Variants in DEPDC1B observed in about 807,000 individuals in gnomAD.
The protein encoded by DEPDC1B is DEP domain containing 1B, also known as DEP domain-containing protein 1B.
DEPDC1B carries 51 observed loss-of-function variants against 66.5 expected under a neutral mutation model. The ratio of observed to expected loss-of-function variants is 0.77; its 90% CI spans 0.61 to 0.97. The LOEUF (loss-of-function observed/expected upper bound fraction) is 0.97. Among genes scored for constraint, DEPDC1B ranks in the 50% least tolerant of loss-of-function variants. The pLI is 0.00. For synonymous variants in DEPDC1B, 226 were observed against 223.6 expected (o/e 1.01, Z -0.10); for missense variants, 552 against 637.1 (o/e 0.87, Z 1.44).
At chr5:60,690,590 T>G (rs1408765786) in intron 1 of DEPDC1B, among the ~76,000 whole-genome samples, 1 of 152,232 alleles carries the variant, frequency 6.6e-6, no homozygotes, top group Non-Finnish European at 1.5e-5. Flanking sequence ...AAATTCATAG[T>G]CATATTCTCA....
At chr5:60,664,856 A>C (rs1422697418) in intron 2 of DEPDC1B, among the ~76,000 whole-genome samples, 2 of 152,224 alleles carry the variant, frequency 1.3e-5, no homozygotes, top group Admixed American at 6.5e-5. Context: ...TGCCCGTGCA[A>C]CAATATGGAG....
chr5:60,634,617 A>G (rs1446360918), intron 7 of DEPDC1B, among the ~76,000 whole-genome samples: 1 of 151,824 alleles, frequency 6.6e-6, no homozygotes, highest in Non-Finnish European at 1.5e-5. Context: ...GCTTGCAGTG[A>G]GCCGAGATCA....
rs765610588 is a variant in DEPDC1B, at chr5:60,700,029, C to G, written c.48+17G>C. The G allele has an allele frequency of 6.4e-6, 10 of 1,551,754 alleles. No individual in the cohort carries two copies. The highest frequency in any genetic ancestry group is 8.7e-6 in the Non-Finnish European group (10 of 1,149,076). On this transcript the variant is annotated intron_variant, in intron 1 of 10. Coordinates refer to ENST00000265036, the MANE Select transcript of DEPDC1B (RefSeq NM_018369.3). ...CGGCACCGGGTGCTCCGCCCAGGCC[C>G]CAGCACACTCACTCACCAGCCTGGT...
intron 7 of DEPDC1B, among the ~76,000 whole-genome samples, chr5:60,630,104 T>C (rs537710272): frequency 1.3e-5 from 2 of 152,350 alleles, no homozygotes; most frequent in Non-Finnish European, 2.9e-5. Context: ...TTAATTTATT[T>C]TGAGTTGATT....
intron 1 of DEPDC1B, among the ~76,000 whole-genome samples, chr5:60,688,561 C>T (rs1754475945): frequency 6.6e-6 from 1 of 152,148 alleles, no homozygotes; most frequent in Non-Finnish European, 1.5e-5. Context: ...GAAAGAAGTG[C>T]TTAATAAACA....
At chr5:60,698,274 T>C (rs528831556) in intron 1 of DEPDC1B, among the ~76,000 whole-genome samples, 4 of 152,378 alleles carry the variant, frequency 2.6e-5, no homozygotes, top group African/African-American at 9.6e-5. Flanking sequence ...CATGCACCTC[T>C]GTGGCTTTGC....
At position 60,618,335 on chromosome 5, in the gene DEPDC1B, C is replaced by T. The variant is rs573444363; in HGVS notation, c.899-12479G>A. Among the ~76,000 whole-genome samples the T allele has an allele frequency of 2.0e-4, 31 of 152,130 alleles. No individual in the cohort carries two copies. The East Asian group carries it at 3.7e-3, about 18-fold the overall frequency. ...AGACACAAAAAACCCTTCAAAAAAT[C>T]AATGAATCCAGGAGCTGGTTTCTTG... is the stretch of plus-strand genomic sequence containing the variant. On this transcript the variant is annotated intron_variant, in intron 7 of 10. Transcript: ENST00000265036.
chr5:60,635,184 G>A (rs898214944), intron 7 of DEPDC1B, among the ~76,000 whole-genome samples: 3 of 151,600 alleles, frequency 2.0e-5, no homozygotes, highest in African/African-American at 7.3e-5. Context: ...ACACAAACTA[G>A]GCACTCTCTG....
chr5:60,621,833 T>A (rs1359498216), intron 7 of DEPDC1B, among the ~76,000 whole-genome samples: 1 of 152,210 alleles, frequency 6.6e-6, no homozygotes, highest in Non-Finnish European at 1.5e-5. Flanking sequence ...GAGCCTAAGC[T>A]CTTTCAGACA....
intron 1 of DEPDC1B, among the ~76,000 whole-genome samples, chr5:60,694,537 C>T (rs1244210010): frequency 1.3e-5 from 2 of 152,198 alleles, no homozygotes. Context: ...TAAAGCCTTA[C>T]ACTTTGGCCT....
intron 6 of DEPDC1B, 100 bp from the exon 7 acceptor site, chr5:60,638,990 T>C (rs1263324567): frequency 1.4e-6 from 2 of 1,393,272 alleles, no homozygotes; most frequent in Non-Finnish European, 1.9e-6. Flanking sequence ...TATTCAGATA[T>C]TTGACATATA....
At chr5:60,659,236 C>T (rs529727062) in intron 2 of DEPDC1B, among the ~76,000 whole-genome samples, 42 of 152,204 alleles carry the variant, frequency 2.8e-4, no homozygotes, top group African/African-American at 9.4e-4. Context: ...AGCGGCCCGT[C>T]GCATCTTGGG....
Position 60,647,426 on chromosome 5 carries a change from TC to T in DEPDC1B, c.421del (p.Glu141ArgfsTer5). 1 of 1,611,244 alleles carries T rather than the reference TC, an allele frequency of 6.2e-7. No homozygotes were observed. On this transcript the variant is annotated frameshift_variant, in exon 3 of 11. Coordinates refer to ENST00000265036, the MANE Select transcript of DEPDC1B (RefSeq NM_018369.3). LOFTEE classifies it high-confidence loss of function. ...CACAACTGGCCTCACTGGGATGTTCTCTTGTGAAGTGCCTGGTGGGAGATCA... is the reference window on the plus strand; with the variant it reads ...CACAACTGGCCTCACTGGGATGTTCTTTGTGAAGTGCCTGGTGGGAGATCA... The part of the protein sequence containing the change: ...WNDLPPGTSQ[E>X]NIPVRPVVMN...
At position 60,700,136 on chromosome 5, in the gene DEPDC1B, C is replaced by T. The variant is rs1251370074; in HGVS notation, c.-43G>A. The stretch of plus-strand genomic sequence containing the variant: ...GGCCGCAGCCGCGCCAGCGCTGATC[C>T]CCGCCAGCCGGAGGAGCAGCAGTTT... On this transcript the variant is annotated 5_prime_UTR_variant, in exon 1 of 11. Coordinates refer to ENST00000265036, the MANE Select transcript of DEPDC1B (RefSeq NM_018369.3). 2.0e-6 allele frequency: 3 copies of T among 1,528,716 alleles called. No individual in the cohort carries two copies. The highest frequency in any genetic ancestry group is 5.0e-5 in the East Asian group (2 of 39,734). The allele number at this position is 1,528,716 out of a possible 1,614,324, so 94.7% of individuals were successfully genotyped here. A position where few individuals can be genotyped will look rare whatever the true frequency, so the allele number is the denominator to read the frequency against.
chr5:60,619,687 T>A (rs558916024), intron 7 of DEPDC1B, among the ~76,000 whole-genome samples: 44 of 152,238 alleles, frequency 2.9e-4, no homozygotes, highest in African/African-American at 1.0e-3. Flanking sequence ...GTAGGAAGAA[T>A]CAATATTGTG....
chr5:60,620,838 C>T (rs1752684225), intron 7 of DEPDC1B, among the ~76,000 whole-genome samples: 3 of 152,158 alleles, frequency 2.0e-5, no homozygotes, highest in Admixed American at 2.0e-4. Context: ...GACACATGCA[C>T]ACGTATGTTT....
chr5:60,658,688 A>G (rs564018023), intron 2 of DEPDC1B, among the ~76,000 whole-genome samples: 1 of 152,260 alleles, frequency 6.6e-6, no homozygotes, highest in African/African-American at 2.4e-5. Context: ...ATCATATATC[A>G]CCTGAGAGCA....
At chr5:60,632,132 T>C (rs1209428347) in intron 7 of DEPDC1B, among the ~76,000 whole-genome samples, 1 of 152,210 alleles carries the variant, frequency 6.6e-6, no homozygotes, top group Non-Finnish European at 1.5e-5. Context: ...ACTATGAGAC[T>C]GCATGCCTGG....
intron 2 of DEPDC1B, among the ~76,000 whole-genome samples, chr5:60,685,122 T>A (rs1754383771): frequency 6.6e-6 from 1 of 152,208 alleles, no homozygotes; most frequent in Admixed American, 6.5e-5. Context: ...GTAGTACTCT[T>A]TGCCCAAGGA....
Sources: gnomAD v4.1 joint callset for allele counts (sites outside exome capture counted in the v4.1 genomes callset) on GRCh38, gnomAD v4.1.1 for gene constraint, MANE v1.5 for transcripts, NCBI Gene and HGNC (gene_info 2026-07-23, HGNC 2026-07-21) for gene names.